Variants in ZHX3 observed in about 807,000 individuals in gnomAD.
ZHX3 encodes zinc fingers and homeoboxes 3, also known as zinc fingers and homeoboxes protein 3.
ZHX3 carries 20 observed loss-of-function variants against 64.5 expected under a neutral mutation model. The observed-to-expected ratio is 0.31, with a 90% CI of 0.22 to 0.45. ZHX3 has a LOEUF of 0.45. Ranked by LOEUF, ZHX3 falls within the 20% of genes least tolerant of loss-of-function variation. ZHX3 has a pLI of 1.00. For synonymous variants in ZHX3, 423 were observed against 461.6 expected, an observed-to-expected ratio of 0.92 and a Z score of 1.07; for missense variants, 1,041 against 1,195.8, an observed-to-expected ratio of 0.87 and a Z score of 1.91.
intron 2 of ZHX3, among the ~76,000 whole-genome samples, chr20:41,254,993 G>C (rs1357447827): frequency 6.6e-6 from 1 of 152,114 alleles, no homozygotes; most frequent in Non-Finnish European, 1.5e-5. Flanking sequence ...TTCAAGGGGA[G>C]AGTGGCATTG....
chr20:41,279,196 A>T (rs1463027932), intron 1 of ZHX3, among the ~76,000 whole-genome samples: 1 of 152,206 alleles, frequency 6.6e-6, no homozygotes, highest in African/African-American at 2.4e-5. Flanking sequence ...AAAGGCCCAT[A>T]TTGCCAAACT....
intron 2 of ZHX3, among the ~76,000 whole-genome samples, chr20:41,213,515 A>T (rs960119944): frequency 1.3e-5 from 2 of 152,148 alleles, no homozygotes; most frequent in African/African-American, 4.8e-5. Context: ...GAGGAGAGGG[A>T]AGAGAGATGC....
rs1469915969 is a variant in ZHX3, at chr20:41,204,050, T to C, written c.867A>G (p.Pro289=). 1 of 1,613,498 alleles carries C rather than the reference T, an allele frequency of 6.2e-7. No homozygotes were observed. Among genetic ancestry groups the C allele is most frequent in the Non-Finnish European group, 8.5e-7 (1 of 1,179,690 alleles). ...TGGGAAGGGCCTTGGCCGTGGGCAG[T>C]GGCTGGTGGACATGGTGTTGGGCAT... ...PVHAQHHVHQ[P]LPTAKALPKV... The change falls in exon 3 of 4, where the codon CCA becomes CCG. Residue 289 remains proline (P), a synonymous_variant. Coordinates refer to ENST00000683867, the MANE Select transcript of ZHX3 (RefSeq NM_001384317.1). This position sits in a 1 kb window ranked among gnomAD's most constrained non-coding sequence, Gnocchi z 6.6.
At chr20:41,293,621 A>G (rs904685978) in intron 1 of ZHX3, among the ~76,000 whole-genome samples, 2 of 152,212 alleles carry the variant, frequency 1.3e-5, no homozygotes, top group African/African-American at 2.4e-5. Flanking sequence ...AACTAGCTAT[A>G]AGTCTGGTCA....
chr20:41,310,726 C>G (rs1246758263), intron 1 of ZHX3, among the ~76,000 whole-genome samples: 1 of 147,528 alleles, frequency 6.8e-6, no homozygotes, highest in African/African-American at 2.5e-5. Context: ...AAGCATTTAA[C>G]AAGCACAAAT....
chr20:41,274,921 C>T (rs370066589), intron 1 of ZHX3, among the ~76,000 whole-genome samples: 1 of 152,262 alleles, frequency 6.6e-6, no homozygotes, highest in East Asian at 1.9e-4. Context: ...CTTTGGGAGG[C>T]CAAGGCAGGT....
chr20:41,273,798 T>C (rs1236439880), intron 1 of ZHX3, among the ~76,000 whole-genome samples: 1 of 152,196 alleles, frequency 6.6e-6, no homozygotes, highest in Non-Finnish European at 1.5e-5. Context: ...TTTGTTTTTC[T>C]TTTTCAAGAT....
intron 1 of ZHX3, among the ~76,000 whole-genome samples, chr20:41,302,977 C>T (rs944003131): frequency 6.6e-6 from 1 of 152,206 alleles, no homozygotes; most frequent in Non-Finnish European, 1.5e-5. Flanking sequence ...TGAAGAAAGC[C>T]TGGAGCTAGG....
rs2040639551 is a variant in ZHX3, at chr20:41,232,025, C to T, written c.-150-26959G>A. On this transcript the variant is annotated intron_variant, in intron 2 of 3. Coordinates refer to ENST00000683867, the MANE Select transcript of ZHX3 (RefSeq NM_001384317.1). This position sits in a 1 kb window ranked among gnomAD's most constrained non-coding sequence, Gnocchi z 5.0. Reference sequence around the variant, plus strand: ...CACATTCCGTACCATTAGACGCTGACAGCCCAGACCCCACCAAAATAGAGG... The same window carrying T: ...CACATTCCGTACCATTAGACGCTGATAGCCCAGACCCCACCAAAATAGAGG... Among the ~76,000 whole-genome samples the T allele has an allele frequency of 6.6e-6, 1 of 152,160 alleles. No homozygotes were observed. Among genetic ancestry groups the T allele is most frequent in the East Asian group, 1.9e-4 (1 of 5,194 alleles).
chr20:41,210,854 T>C (rs1484688380), intron 2 of ZHX3, among the ~76,000 whole-genome samples: 1 of 152,024 alleles, frequency 6.6e-6, no homozygotes, highest in East Asian at 1.9e-4. Context: ...AAAAGAATTA[T>C]AAGTAATCTT....
rs1340804526 is a variant in ZHX3, at chr20:41,184,914, C to T, written c.*277G>A. On this transcript the variant is annotated 3_prime_UTR_variant, in exon 4 of 4. Coordinates refer to ENST00000683867, the MANE Select transcript of ZHX3 (RefSeq NM_001384317.1). ...CTGTGTCTATGAATATGACTATGAA[C>T]TCTGAACTATTTTATCCATTGGAAG... 22 of 1,535,800 alleles carry T rather than the reference C, an allele frequency of 1.4e-5. No homozygotes were observed. Among genetic ancestry groups the T allele is most frequent in the Non-Finnish European group, 1.9e-5 (22 of 1,144,940 alleles).
intron 2 of ZHX3, among the ~76,000 whole-genome samples, chr20:41,255,731 T>C (rs749868461): frequency 2.6e-5 from 4 of 152,186 alleles, no homozygotes; most frequent in Non-Finnish European, 5.9e-5. Flanking sequence ...GCCACTCTAG[T>C]TGTTTCACTA....
At chr20:41,196,465 TA>T (rs56942532) in intron 3 of ZHX3, among the ~76,000 whole-genome samples, 1 of 43,672 alleles carries the variant, frequency 2.3e-5, no homozygotes, top group Admixed American at 4.1e-4. Flanking sequence ...TATTTATATA[TA>T]ATATATATTT....
At chr20:41,271,854 G>A (rs1275801667) in intron 1 of ZHX3, 4 of 151,660 alleles carry the variant, frequency 2.6e-5, no homozygotes, top group African/African-American at 9.7e-5. Context: ...CTGACACCAA[G>A]GTCACTGACA....
chr20:41,266,575 T>C (rs1158381686), intron 2 of ZHX3, among the ~76,000 whole-genome samples: 1 of 151,442 alleles, frequency 6.6e-6, no homozygotes, highest in Non-Finnish European at 1.5e-5. Context: ...AGATGGAGTC[T>C]TGTTCTGTCG....
intron 3 of ZHX3, among the ~76,000 whole-genome samples, chr20:41,197,554 TC>T (rs2037843777): frequency 6.6e-6 from 1 of 151,770 alleles, no homozygotes; most frequent in African/African-American, 2.4e-5. Flanking sequence ...CCTCCTTGTG[TC>T]CTTATATCTA....
intron 2 of ZHX3, among the ~76,000 whole-genome samples, chr20:41,246,959 C>CT (rs1568889898): frequency 6.6e-6 from 1 of 151,734 alleles, no homozygotes; most frequent in Non-Finnish European, 1.5e-5. Context: ...GACATGAACT[C>CT]TTATAAAGAG....
chr20:41,195,400 G>A lies in ZHX3; in HGVS notation c.2860+6657C>T, dbSNP rs933568131. ...CAAAGCACTGGGATTATAGATGCAA[G>A]CCACCATGCTCGACTGAGATTTTTT... is the stretch of plus-strand genomic sequence containing the variant. On this transcript the variant is annotated intron_variant, in intron 3 of 3. Transcript: ENST00000683867. The surrounding 1 kb of genome is among the most constrained non-coding windows in gnomAD (Gnocchi z 4.2). Among the ~76,000 whole-genome samples the A allele has an allele frequency of 1.3e-5, 2 of 152,068 alleles. No homozygotes were observed. Among genetic ancestry groups the A allele is most frequent in the African/African-American group, 2.4e-5 (1 of 41,412 alleles).
At chr20:41,296,838 C>T (rs1210273535) in intron 1 of ZHX3, among the ~76,000 whole-genome samples, 1 of 152,184 alleles carries the variant, frequency 6.6e-6, no homozygotes, top group African/African-American at 2.4e-5. Context: ...CATCCCTCAA[C>T]CAAAATTCAC....
Sources: gnomAD v4.1 joint callset for allele counts (sites outside exome capture counted in the v4.1 genomes callset) on GRCh38, gnomAD v4.1.1 for gene constraint, Gnocchi (gnomAD v3.1) non-coding constraint, MANE v1.5 for transcripts, NCBI Gene and HGNC (gene_info 2026-07-23, HGNC 2026-07-21) for gene names.